WNT7A: variants seen among roughly 807,000 people sequenced by gnomAD.
WNT7A encodes the protein protein Wnt-7a.
Under a neutral mutation model 28.2 loss-of-function variants are expected in WNT7A, and 16 were observed. The ratio of observed to expected loss-of-function variants is 0.57; its 90% confidence interval spans 0.38 to 0.86. WNT7A has a LOEUF of 0.86. WNT7A is among the 40% of genes least tolerant of loss of function. The pLI is 0.00. For missense variants in WNT7A, 411 were observed against 489.7 expected (o/e 0.84, Z 1.52); for synonymous variants, 190 against 195.9 (o/e 0.97, Z 0.25).
At position 13,861,284 on chromosome 3, in the gene WNT7A, G is replaced by T. The variant is rs527362861; in HGVS notation, c.299-6481C>A. On this transcript the variant is annotated intron_variant, in intron 2 of 3. Transcript: ENST00000285018. Reference sequence around the variant, plus strand: ...GGGGACAGTCTGCTGTGAAGGACCTGCCCCTCCCTCCTGCCCAGGAGCAGA... The same window carrying T: ...GGGGACAGTCTGCTGTGAAGGACCTTCCCCTCCCTCCTGCCCAGGAGCAGA... Among the ~76,000 whole-genome samples, 159 of 152,328 alleles carry T rather than the reference G, an allele frequency of 1.0e-3. 2 individuals carry two copies. Among genetic ancestry groups the T allele is most frequent in the South Asian group, 9.5e-3 (46 of 4,822 alleles).
intron 3 of WNT7A, among the ~76,000 whole-genome samples, chr3:13,821,799 AGGGGCACCCAGCTGTCTTCT>A (rs1694113935): frequency 6.6e-6 from 1 of 152,200 alleles, no homozygotes; most frequent in Non-Finnish European, 1.5e-5. Context: ...GTGGTTGGCC[AGGGGCACCCAGCTGTCTTCT>A]GGGGGTCCTG....
intron 3 of WNT7A, among the ~76,000 whole-genome samples, chr3:13,849,861 C>G (rs919723879): frequency 7.2e-5 from 11 of 152,210 alleles, no homozygotes; most frequent in African/African-American, 2.4e-5. Flanking sequence ...TGCGAACAAG[C>G]TTGGTTGACT....
At chr3:13,876,844 T>C (rs1005845929) in intron 1 of WNT7A, 2 of 152,238 alleles carry the variant, frequency 1.3e-5, no homozygotes, top group Non-Finnish European at 2.9e-5. Context: ...AGCTAAGGGC[T>C]CCTCCCTCCC....
intron 3 of WNT7A, among the ~76,000 whole-genome samples, chr3:13,840,319 A>G (rs951947800): frequency 6.6e-6 from 1 of 152,124 alleles, no homozygotes; most frequent in Non-Finnish European, 1.5e-5. Flanking sequence ...GATTCCATAT[A>G]TATATTCTAT....
rs1211322733 is a variant in WNT7A, at chr3:13,819,073, CAT to C, written c.919_920del (p.Met307ValfsTer20). 6.2e-7 allele frequency: 1 copy of C among 1,614,008 alleles called. No individual in the cohort carries two copies. The highest frequency in any genetic ancestry group is 8.5e-7 in the Non-Finnish European group (1 of 1,179,992). The stretch of plus-strand genomic sequence containing the variant: ...GGGTGTTGTAGCCACGCCCACAGCA[CAT>C]GAGGTCACAGCCGCTGGCCTGGGGA... ...TAPQASGCDL[M>X]CCGRGYNTHQ... is the part of the protein sequence containing the mutation. On this transcript the variant is annotated frameshift_variant, in exon 4 of 4. Coordinates refer to ENST00000285018, the MANE Select transcript of WNT7A (RefSeq NM_004625.4). LOFTEE classifies it high-confidence loss of function.
At chr3:13,869,618 GAGAA>G (rs1350229363) in intron 2 of WNT7A, among the ~76,000 whole-genome samples, 40 of 127,922 alleles carry the variant, frequency 3.1e-4, no homozygotes, top group Non-Finnish European at 5.2e-4. Context: ...AAGAGAGAAA[GAGAA>G]AGAAAGGAAA....
At chr3:13,851,313 C>A (rs1374094402) in intron 3 of WNT7A, among the ~76,000 whole-genome samples, 1 of 152,230 alleles carries the variant, frequency 6.6e-6, no homozygotes, top group Non-Finnish European at 1.5e-5. Flanking sequence ...TAGGATCTAG[C>A]CCCTCTGCAG....
chr3:13,840,652 C>A (rs1216058898), intron 3 of WNT7A, among the ~76,000 whole-genome samples: 1 of 152,048 alleles, frequency 6.6e-6, no homozygotes, highest in African/African-American at 2.4e-5. Context: ...ATCCATCTAT[C>A]CTACTACCCA....
At chr3:13,876,280 G>C (rs921423130) in intron 1 of WNT7A, among the ~76,000 whole-genome samples, 5 of 152,228 alleles carry the variant, frequency 3.3e-5, no homozygotes, top group Admixed American at 6.5e-5. Flanking sequence ...CATGGAAACT[G>C]CTACAAAGCC....
intron 3 of WNT7A, among the ~76,000 whole-genome samples, chr3:13,840,596 T>TCATCCATC (rs113782895): frequency 0.16 from 23,801 of 150,100 alleles, 2,559 homozygotes; most frequent in African/African-American, 0.31. Flanking sequence ...AGCTATTCAT[T>TCATCCATC]CATCCATCCA....
At chr3:13,819,466 C>T (rs1259839912) in intron 3 of WNT7A, 43 bp from the exon 4 acceptor site, 11 of 1,598,030 alleles carry the variant, frequency 6.9e-6, no homozygotes, top group South Asian at 4.4e-5. Context: ...GGTCACTGCA[C>T]GCCAAGGCCA....
At chr3:13,872,356 T>G (rs1225765469) in intron 2 of WNT7A, among the ~76,000 whole-genome samples, 1 of 152,188 alleles carries the variant, frequency 6.6e-6, no homozygotes, top group Non-Finnish European at 1.5e-5. Context: ...ACATATATTA[T>G]GTTGCCACTT....
intron 3 of WNT7A, among the ~76,000 whole-genome samples, chr3:13,822,116 T>C (rs1243415328): frequency 6.6e-6 from 1 of 152,156 alleles, no homozygotes; most frequent in African/African-American, 2.4e-5. Flanking sequence ...ATCAGAACCC[T>C]CTTGCACTGC....
At chr3:13,835,402 G>A (rs1321608505) in intron 3 of WNT7A, among the ~76,000 whole-genome samples, 2 of 152,232 alleles carry the variant, frequency 1.3e-5, no homozygotes, top group Non-Finnish European at 1.5e-5. Context: ...CCAGCTCCGA[G>A]GGCAAAACCG....
At chr3:13,842,616 G>T (rs575539891) in intron 3 of WNT7A, among the ~76,000 whole-genome samples, 2 of 152,348 alleles carry the variant, frequency 1.3e-5, no homozygotes, top group South Asian at 4.1e-4. Context: ...GTTGGATGTG[G>T]GGTGTGAAAG....
intron 3 of WNT7A, among the ~76,000 whole-genome samples, chr3:13,840,092 C>G (rs1462417582): frequency 3.9e-5 from 6 of 152,242 alleles, no homozygotes. Context: ...CCCTGACAGC[C>G]ACACTGGCCT....
At chr3:13,840,692 G>T (rs866573627) in intron 3 of WNT7A, among the ~76,000 whole-genome samples, 2 of 151,694 alleles carry the variant, frequency 1.3e-5, no homozygotes, top group African/African-American at 4.9e-5. Flanking sequence ...TCTAAGATCT[G>T]TCCGTTTAAC....
chr3:13,837,314 C>T (rs925480340), intron 3 of WNT7A, among the ~76,000 whole-genome samples: 5 of 152,120 alleles, frequency 3.3e-5, no homozygotes, highest in African/African-American at 1.2e-4. Context: ...AACGTAAAGC[C>T]ACCCTGGATG....
intron 1 of WNT7A, 117 bp downstream of exon 1, chr3:13,879,629 G>A: frequency 8.6e-7 from 1 of 1,160,562 alleles, no homozygotes; most frequent in South Asian, 1.5e-5. Context: ...CACCCACCCG[G>A]CCTCTCAGAG....
Sources: gnomAD v4.1 joint callset for allele counts (sites outside exome capture counted in the v4.1 genomes callset) on GRCh38, gnomAD v4.1.1 for gene constraint, MANE v1.5 for transcripts, NCBI Gene and HGNC (gene_info 2026-07-23, HGNC 2026-07-21) for gene names.